ASIC2: variants seen among roughly 807,000 people sequenced by gnomAD.
ASIC2 encodes acid sensing ion channel subunit 2, also known as acid-sensing ion channel 2.
ASIC2 carries 25 observed loss-of-function variants against 57.3 expected under a neutral mutation model. That is an observed-to-expected ratio of 0.44 (90% CI 0.32 to 0.61). The LOEUF is 0.61. Among genes scored for constraint, ASIC2 ranks in the 20% least tolerant of loss-of-function variants. The pLI is 0.06. For missense variants in ASIC2, 641 were observed against 738.1 expected (o/e 0.87, Z 1.52); for synonymous variants, 319 against 307.5 (o/e 1.04, Z -0.39).
At chr17:33,324,721 G>T (rs1907000046) in intron 1 of ASIC2, among the ~76,000 whole-genome samples, 1 of 152,158 alleles carries the variant, frequency 6.6e-6, no homozygotes, top group South Asian at 2.1e-4. Context: ...TAAGAGAGGA[G>T]CCCAGGGATC....
rs1310443259 is a variant in ASIC2 at position 33,488,512 on chromosome 17, A to C, written c.556-376445T>G. Among the ~76,000 whole-genome samples, 4 of 152,308 alleles carry C rather than the reference A, an allele frequency of 2.6e-5. No individual in the cohort carries two copies. In the East Asian group the frequency reaches 7.7e-4, roughly 29 times the overall value. ...TTATTTTGGATGCTTTTTATTTGCA[A>C]GTCCTAAAATGTGTTTATTTTGGTA... On this transcript the variant is annotated intron_variant, in intron 1 of 9. Transcript: ENST00000359872.
chr17:33,061,340 A>G (rs1401491128), intron 3 of ASIC2, among the ~76,000 whole-genome samples: 1 of 152,214 alleles, frequency 6.6e-6, no homozygotes, highest in Admixed American at 6.5e-5. Flanking sequence ...TGTTGCATCA[A>G]TACCTAATTT....
chr17:33,858,879 T>A (rs1341104036), intron 1 of ASIC2, among the ~76,000 whole-genome samples: 3 of 152,204 alleles, frequency 2.0e-5, no homozygotes, highest in Non-Finnish European at 4.4e-5. Context: ...TGTCACTAAC[T>A]GTGTGTGTGG....
At chr17:33,376,068 T>C (rs977595517) in intron 1 of ASIC2, among the ~76,000 whole-genome samples, 1 of 152,132 alleles carries the variant, frequency 6.6e-6, no homozygotes, top group African/African-American at 2.4e-5. Flanking sequence ...TAGGGAATTG[T>C]TAGTATATGT....
chr17:33,381,904 C>T (rs943338721), intron 1 of ASIC2, among the ~76,000 whole-genome samples: 1 of 152,074 alleles, frequency 6.6e-6, no homozygotes, highest in Non-Finnish European at 1.5e-5. Flanking sequence ...AAAGATGAAC[C>T]AAAGTGAGGG....
chr17:33,274,208 C>T (rs1904617711), intron 1 of ASIC2, among the ~76,000 whole-genome samples: 1 of 152,166 alleles, frequency 6.6e-6, no homozygotes, highest in Non-Finnish European at 1.5e-5. Context: ...TTATCTCAGG[C>T]TCTGGATGGG....
At chr17:34,003,025 G>T (rs1267463375) in intron 1 of ASIC2, 2 of 152,206 alleles carry the variant, frequency 1.3e-5, no homozygotes, top group African/African-American at 4.8e-5. Context: ...ACAGTTCAAG[G>T]TATAATTGTT....
intron 1 of ASIC2, among the ~76,000 whole-genome samples, chr17:33,885,057 C>T (rs1229982666): frequency 6.6e-6 from 1 of 152,144 alleles, no homozygotes; most frequent in Admixed American, 6.5e-5. Flanking sequence ...TTGCCCTTGC[C>T]CCCTACTTAC....
chr17:33,691,192 T>G (rs896847218), intron 1 of ASIC2, among the ~76,000 whole-genome samples: 8 of 152,268 alleles, frequency 5.3e-5, no homozygotes, highest in Non-Finnish European at 1.0e-4. Flanking sequence ...TATTATTTTA[T>G]GTATACATCA....
chr17:33,706,204 CATATATATATAT>C (rs3030213), intron 1 of ASIC2, among the ~76,000 whole-genome samples: 13 of 140,778 alleles, frequency 9.2e-5, no homozygotes, highest in African/African-American at 2.6e-4. Context: ...ATATATGATT[CATATATATATAT>C]ATATATATAT....
intron 3 of ASIC2, among the ~76,000 whole-genome samples, chr17:33,063,700 T>C (rs915864616): frequency 6.6e-6 from 1 of 152,220 alleles, no homozygotes; most frequent in South Asian, 2.1e-4. Flanking sequence ...TGAATTTGAA[T>C]GTTGGCCTGC....
intron 1 of ASIC2, among the ~76,000 whole-genome samples, chr17:34,138,855 A>G (rs994196840): frequency 2.4e-4 from 36 of 152,328 alleles, no homozygotes; most frequent in Admixed American, 5.2e-4. Context: ...CATCCCTCAA[A>G]GTCCACCTAG....
chr17:33,936,860 A>G (rs1338500627), intron 1 of ASIC2: 1 of 152,304 alleles, frequency 6.6e-6, no homozygotes, highest in African/African-American at 2.4e-5. Flanking sequence ...TCTAAGCCTC[A>G]GTTTCCTCAT....
chr17:33,594,656 A>G (rs530444694), intron 1 of ASIC2, among the ~76,000 whole-genome samples: 12 of 151,766 alleles, frequency 7.9e-5, no homozygotes, highest in Non-Finnish European at 1.5e-4. Context: ...GTGAAACCCC[A>G]TCTCTACTAA....
At chr17:33,366,778 A>C (rs774100884) in intron 1 of ASIC2, among the ~76,000 whole-genome samples, 1 of 152,214 alleles carries the variant, frequency 6.6e-6, no homozygotes, top group African/African-American at 2.4e-5. Context: ...AAAAGGAACT[A>C]TAACCATCTA....
intron 1 of ASIC2, among the ~76,000 whole-genome samples, chr17:33,320,842 T>G (rs1377589952): frequency 1.3e-5 from 2 of 152,174 alleles, no homozygotes; most frequent in African/African-American, 4.8e-5. Flanking sequence ...CCCACTGCAC[T>G]CTTATAACTG....
At chr17:33,894,844 G>A (rs1208169642) in intron 1 of ASIC2, among the ~76,000 whole-genome samples, 1 of 152,158 alleles carries the variant, frequency 6.6e-6, no homozygotes, top group African/African-American at 2.4e-5. Flanking sequence ...GAGACAGGAT[G>A]AAATCCCAGG....
intron 1 of ASIC2, among the ~76,000 whole-genome samples, chr17:34,034,674 C>A (rs976279173): frequency 1.3e-5 from 2 of 152,118 alleles, no homozygotes; most frequent in East Asian, 3.9e-4. Flanking sequence ...TCTCAGGATA[C>A]AAAATCAATG....
At chr17:33,506,868 G>A (rs533484589) in intron 1 of ASIC2, among the ~76,000 whole-genome samples, 6 of 152,298 alleles carry the variant, frequency 3.9e-5, no homozygotes, top group Middle Eastern at 3.4e-3. Flanking sequence ...CTTGGTTATC[G>A]TGGTTGGTCC....
Sources: gnomAD v4.1 joint callset for allele counts (sites outside exome capture counted in the v4.1 genomes callset) on GRCh38, gnomAD v4.1.1 for gene constraint, MANE v1.5 for transcripts, NCBI Gene and HGNC (gene_info 2026-07-23, HGNC 2026-07-21) for gene names.